DOCK2: variants seen among roughly 807,000 people sequenced by gnomAD.
The protein encoded by DOCK2 is dedicator of cytokinesis 2.
Under a neutral mutation model 248.9 loss-of-function variants are expected in DOCK2, and 87 were observed. The observed-to-expected ratio is 0.35, with a 90% CI of 0.29 to 0.42. The LOEUF (loss-of-function observed/expected upper bound fraction) is 0.42, where lower values mean the gene tolerates loss of function less well. Ranked by LOEUF, DOCK2 falls within the 10% of genes least tolerant of loss-of-function variation. The pLI, the probability that DOCK2 is intolerant of heterozygous loss-of-function variation, is 1.00. For missense variants in DOCK2, 1,747 were observed against 2,300.2 expected (o/e 0.76, Z 4.92); for synonymous variants, 805 against 821.6 (o/e 0.98, Z 0.35).
At chr5:170,001,747 G>A (rs1754839441) in intron 30 of DOCK2, among the ~76,000 whole-genome samples, 1 of 152,194 alleles carries the variant, frequency 6.6e-6, no homozygotes, top group Non-Finnish European at 1.5e-5. Flanking sequence ...AATTTAAAAA[G>A]AAGGTTCTTG....
At chr5:169,964,008 T>C (rs1777196603) in intron 27 of DOCK2, among the ~76,000 whole-genome samples, 2 of 151,902 alleles carry the variant, frequency 1.3e-5, no homozygotes. Context: ...CCTACCCTCA[T>C]GGAAGTGGCA....
Position 169,684,365 on chromosome 5 carries a change from G to T in DOCK2, c.761+15G>T. ...ACGGTCATAAGGTAGGTGTGTCCAG[G>T]GTTGCCCTACTTCTCTGACTATGGG... On this transcript the variant is annotated intron_variant, in intron 8 of 51. Coordinates refer to ENST00000520908, the MANE Select transcript of DOCK2 (RefSeq NM_004946.3). 6.2e-7 allele frequency: 1 copy of T among 1,612,792 alleles called. No individual in the cohort carries two copies. The highest frequency in any genetic ancestry group is 8.5e-7 in the Non-Finnish European group (1 of 1,178,986).
rs141040979 is a variant in DOCK2 at position 169,817,640 on chromosome 5, C to T, written c.2703+14434C>T. ...CCTGGGTCAATTTCCCTTATATTTG[C>T]CTTGCCTTGTCTGTTTCACAGACAT... On this transcript the variant is annotated intron_variant, in intron 26 of 51. Coordinates refer to ENST00000520908, the MANE Select transcript of DOCK2 (RefSeq NM_004946.3). Among the ~76,000 whole-genome samples, 27 of 152,318 alleles carry T rather than the reference C, an allele frequency of 1.8e-4. 1 individual carries two copies. The East Asian group carries it at 3.5e-3, about 20-fold the overall frequency.
At chr5:169,964,778 G>A (rs745815972) in intron 27 of DOCK2, among the ~76,000 whole-genome samples, 26 of 152,214 alleles carry the variant, frequency 1.7e-4, no homozygotes, top group Admixed American at 1.0e-3. Flanking sequence ...GAGCAAAAGT[G>A]TCTTCATTTG....
intron 2 of DOCK2, among the ~76,000 whole-genome samples, chr5:169,658,548 T>C (rs1349199863): frequency 6.6e-6 from 1 of 151,776 alleles, no homozygotes. Flanking sequence ...TATGAGAGTA[T>C]TTTAAAAACC....
chr5:169,767,381 A>G (rs113346485), intron 25 of DOCK2, among the ~76,000 whole-genome samples: 48 of 152,240 alleles, frequency 3.2e-4, no homozygotes, highest in African/African-American at 1.1e-3. Flanking sequence ...GTTTAGTTTA[A>G]TTAGGTCCCA....
Position 169,718,564 on chromosome 5 carries a change from C to T in DOCK2, c.2133-93C>T, listed in dbSNP as rs139976552. 6 of 1,452,820 alleles carry T rather than the reference C, an allele frequency of 4.1e-6. No individual in the cohort carries two copies. In the Admixed American group the frequency reaches 8.2e-5, roughly 20 times the overall value. The allele number at this position is 1,452,820 out of a possible 1,614,324, so 90.0% of individuals were successfully genotyped here. On this transcript the variant is annotated intron_variant, in intron 21 of 51. Coordinates refer to ENST00000520908, the MANE Select transcript of DOCK2 (RefSeq NM_004946.3). ...TAAGTGAGCTTGGCTCTACTACCAC[C>T]TTTAACCTTTGATTGAATGCCTTAT... is the stretch of plus-strand genomic sequence containing the variant.
At chr5:169,860,056 C>G (rs2113402451) in intron 27 of DOCK2, among the ~76,000 whole-genome samples, 1 of 147,056 alleles carries the variant, frequency 6.8e-6, no homozygotes, top group East Asian at 2.0e-4. Flanking sequence ...CTCCAGCCCT[C>G]TTGGGTTTAA....
chr5:169,678,646 A>G (rs1442858580), intron 6 of DOCK2, among the ~76,000 whole-genome samples: 2 of 152,218 alleles, frequency 1.3e-5, no homozygotes, highest in Non-Finnish European at 2.9e-5. Flanking sequence ...GGTCTTTTGA[A>G]CGGCAGGTGA....
intron 27 of DOCK2, among the ~76,000 whole-genome samples, chr5:169,964,246 C>G (rs1777206892): frequency 6.6e-6 from 1 of 152,154 alleles, no homozygotes; most frequent in African/African-American, 2.4e-5. Flanking sequence ...TTTTCTTAGC[C>G]TGGAGTTCAG....
At chr5:169,908,875 G>T (rs1244480636) in intron 27 of DOCK2, among the ~76,000 whole-genome samples, 1 of 151,864 alleles carries the variant, frequency 6.6e-6, no homozygotes. Flanking sequence ...CTACATTATT[G>T]CATTTCACCT....
At chr5:169,687,993 C>T (rs1760082784) in intron 8 of DOCK2, among the ~76,000 whole-genome samples, 1 of 152,178 alleles carries the variant, frequency 6.6e-6, no homozygotes, top group South Asian at 2.1e-4. Context: ...GGCATGACCT[C>T]AGCTCACTGC....
At chr5:169,676,729 C>T (rs781558487) in intron 6 of DOCK2, among the ~76,000 whole-genome samples, 1 of 152,130 alleles carries the variant, frequency 6.6e-6, no homozygotes, top group Non-Finnish European at 1.5e-5. Flanking sequence ...GGGGGTGGCA[C>T]AAAGTGGAAC....
intron 27 of DOCK2, among the ~76,000 whole-genome samples, chr5:169,869,626 A>G (rs1237188356): frequency 1.3e-5 from 2 of 152,168 alleles, no homozygotes; most frequent in Non-Finnish European, 2.9e-5. Context: ...TAGAAAAGAG[A>G]AGATGCATTT....
chr5:169,815,366 G>A (rs1038684868), intron 26 of DOCK2, among the ~76,000 whole-genome samples: 1 of 152,172 alleles, frequency 6.6e-6, no homozygotes, highest in African/African-American at 2.4e-5. Flanking sequence ...ACTTCTTAAG[G>A]TATTCTTTAA....
At chr5:170,028,740 AAC>A (rs59193270) in intron 34 of DOCK2, among the ~76,000 whole-genome samples, 4,966 of 148,326 alleles carry the variant, frequency 0.033, 210 homozygotes, top group African/African-American at 0.1. Context: ...CTGCTCTGCC[AAC>A]ACACACACAC....
intron 22 of DOCK2, among the ~76,000 whole-genome samples, chr5:169,739,859 A>T (rs1763220907): frequency 6.6e-6 from 1 of 152,242 alleles, no homozygotes; most frequent in African/African-American, 2.4e-5. Flanking sequence ...CAAGTAGATG[A>T]TGTAATCTAT....
In DOCK2 at chr5:170,078,936, C is replaced by T. The variant is rs1160639600; in HGVS notation, c.4995-39C>T. 2.5e-6 allele frequency: 4 copies of T among 1,609,534 alleles called. No homozygotes were observed. The Admixed American group carries it at 5.0e-5, about 20-fold the overall frequency. On this transcript the variant is annotated intron_variant, in intron 48 of 51. Transcript: ENST00000520908. Reference sequence around the variant, plus strand: ...CTTGCAAGGCAGTTCTACTGAAGCTCTAACTGCAGTTTCTATTGCTGCCCC... The same window carrying T: ...CTTGCAAGGCAGTTCTACTGAAGCTTTAACTGCAGTTTCTATTGCTGCCCC...
chr5:169,721,020 C>T (rs1762172073), intron 22 of DOCK2, among the ~76,000 whole-genome samples: 1 of 152,182 alleles, frequency 6.6e-6, no homozygotes, highest in African/African-American at 2.4e-5. Context: ...CTGCGCCCAG[C>T]CAGTATAACT....
Sources: gnomAD v4.1 joint callset for allele counts (sites outside exome capture counted in the v4.1 genomes callset) on GRCh38, gnomAD v4.1.1 for gene constraint, MANE v1.5 for transcripts, NCBI Gene and HGNC (gene_info 2026-07-23, HGNC 2026-07-21) for gene names.